STAT4: variants seen among roughly 807,000 people sequenced by gnomAD.
STAT4 encodes signal transducer and activator of transcription 4.
In STAT4, 42 loss-of-function variants were observed where a neutral mutation model predicts 110.5. The observed-to-expected ratio is 0.38, with a 90% confidence interval of 0.30 to 0.49. STAT4 has a LOEUF of 0.49. STAT4 is among the 20% of genes least tolerant of loss of function. The pLI, the probability that STAT4 is intolerant of heterozygous loss-of-function variation, is 0.95. For synonymous variants in STAT4, 284 were observed against 302.2 expected, an observed-to-expected ratio of 0.94 and a Z score of 0.63; for missense variants, 632 against 887.9, an observed-to-expected ratio of 0.71 and a Z score of 3.66.
intron 3 of STAT4, among the ~76,000 whole-genome samples, chr2:191,097,486 C>T (rs76024359): frequency 0.012 from 1,862 of 152,230 alleles, 17 homozygotes; most frequent in Middle Eastern, 0.037. Flanking sequence ...ACCATCTGAT[C>T]TTTGACAAAC....
intron 14 of STAT4, among the ~76,000 whole-genome samples, chr2:191,049,810 T>TTAGC (rs1404578325): frequency 6.6e-6 from 1 of 152,214 alleles, no homozygotes; most frequent in Admixed American, 6.5e-5. Flanking sequence ...ACAGCACTGC[T>TTAGC]TAGCTCATAA....
chr2:191,068,621 TA>T (rs1376200324), intron 6 of STAT4: 7 of 152,166 alleles, frequency 4.6e-5, no homozygotes, highest in African/African-American at 1.4e-4. Context: ...TATATCTGAT[TA>T]TTTTTTTGAA....
intron 3 of STAT4, among the ~76,000 whole-genome samples, chr2:191,087,536 G>C (rs1280519445): frequency 6.6e-6 from 1 of 152,062 alleles, no homozygotes; most frequent in Non-Finnish European, 1.5e-5. Context: ...CCAGGACAGA[G>C]TAAGAGTCTG....
intron 7 of STAT4, among the ~76,000 whole-genome samples, chr2:191,065,532 A>T (rs150561037): frequency 6.6e-6 from 1 of 152,312 alleles, no homozygotes; most frequent in Non-Finnish European, 1.5e-5. Context: ...CATTTATACA[A>T]CCAGTTGAAT....
intron 3 of STAT4, among the ~76,000 whole-genome samples, chr2:191,139,704 A>G (rs1699270964): frequency 6.6e-6 from 1 of 152,184 alleles, no homozygotes; most frequent in African/African-American, 2.4e-5. Context: ...ATTCAATGCA[A>G]TTTCCATCAA....
Position 191,042,777 on chromosome 2 carries a change from C to CTTTTTTTTTTTTTTTTTTTT in STAT4, c.1252-1630_1252-1629insAAAAAAAAAAAAAAAAAAAA, listed in dbSNP as rs397740293. ...CTTAAATTCATTCATTGTATTCTCT[C>CTTTTTTTTTTTTTTTTTTTT]TTTTTTTTTTTTCTTTTTTGAGATG... is the stretch of plus-strand genomic sequence containing the variant. On this transcript the variant is annotated intron_variant, in intron 14 of 23. Transcript: ENST00000392320. The surrounding 1 kb of genome is among the most constrained non-coding windows in gnomAD (Gnocchi z 4.2). Among the ~76,000 whole-genome samples the CTTTTTTTTTTTTTTTTTTTT allele has an allele frequency of 6.8e-6, 1 of 147,632 alleles. No individual in the cohort carries two copies. Among genetic ancestry groups the CTTTTTTTTTTTTTTTTTTTT allele is most frequent in the Non-Finnish European group, 1.5e-5 (1 of 66,730 alleles).
chr2:191,044,470 T>C (rs1034072948), intron 14 of STAT4, among the ~76,000 whole-genome samples: 10 of 152,340 alleles, frequency 6.6e-5, no homozygotes, highest in African/African-American at 2.2e-4. Flanking sequence ...CTTTTTCAGA[T>C]ATGCAAGTCC....
At position 191,066,445 on chromosome 2, in the gene STAT4, G is replaced by C. The variant is rs753599408; in HGVS notation, c.615C>G (p.Leu205=). The C allele has an allele frequency of 3.6e-5, 58 of 1,613,092 alleles. No individual in the cohort carries two copies. Among genetic ancestry groups the C allele is most frequent in the Non-Finnish European group, 4.5e-5 (53 of 1,179,490 alleles). ...CTTCACTAACCTTTCTCTTGAAATCGAGGCTGTTAAGCATTTCCTGCAGTG... is the reference window on the plus strand; with the variant it reads ...CTTCACTAACCTTTCTCTTGAAATCCAGGCTGTTAAGCATTTCCTGCAGTG... ...VLTLQEMLNS[L]DFKRKEALSK... is the part of the protein sequence containing the mutation. Residue 205 remains leucine (L), a synonymous_variant, in exon 7 of 24, where the codon CTC becomes CTG. Transcript: ENST00000392320. The surrounding 1 kb of genome is among the most constrained non-coding windows in gnomAD (Gnocchi z 4.3).
intron 8 of STAT4, among the ~76,000 whole-genome samples, chr2:191,064,010 A>G (rs906277913): frequency 6.6e-6 from 1 of 152,136 alleles, no homozygotes. Context: ...AAATAGTTTT[A>G]TTTTGCATTT....
In STAT4 at chr2:191,032,255, T is replaced by C. The variant is rs1227770036; in HGVS notation, c.2044+703A>G. On this transcript the variant is annotated intron_variant, in intron 21 of 23. Transcript: ENST00000392320. The surrounding 1 kb of genome is among the most constrained non-coding windows in gnomAD (Gnocchi z 4.9). ...GATGGTGCCCAAAGATTTAGTGCTA[T>C]AGATGAAGATTTTTATGGATTGTAT... 6.6e-6 allele frequency: 1 copy of C among 152,272 alleles called. No homozygotes were observed. The highest frequency in any genetic ancestry group is 1.5e-5 in the Non-Finnish European group (1 of 68,058). The allele number at this position is 152,272 out of a possible 1,614,324, so 9.4% of individuals were successfully genotyped here. A position where few individuals can be genotyped will look rare whatever the true frequency, so the allele number is the denominator to read the frequency against.
chr2:191,136,907 C>T (rs948294439), intron 3 of STAT4, among the ~76,000 whole-genome samples: 1 of 152,002 alleles, frequency 6.6e-6, no homozygotes, highest in Non-Finnish European at 1.5e-5. Flanking sequence ...CATTTCCATA[C>T]AATGAAAATG....
Position 191,033,865 on chromosome 2 carries a change from A to C in STAT4, c.1715+46T>G, listed in dbSNP as rs751663172. The stretch of plus-strand genomic sequence containing the variant: ...AGAAGAAAACCAATAACAACAGAAA[A>C]AAAGAACATAATTAACTCATATGAA... On this transcript the variant is annotated intron_variant, in intron 19 of 23. Transcript: ENST00000392320. The surrounding 1 kb of genome is among the most constrained non-coding windows in gnomAD (Gnocchi z 6.9). 1 of 1,487,250 alleles carries C rather than the reference A, an allele frequency of 6.7e-7. No individual in the cohort carries two copies. The highest frequency in any genetic ancestry group is 2.3e-5 in the East Asian group (1 of 43,970). 92.1% of individuals were successfully genotyped at this position (1,487,250 alleles called of 1,614,324 possible).
chr2:191,030,879 A>G lies in STAT4; in HGVS notation c.2220+93T>C. 8.7e-7 allele frequency: 1 copy of G among 1,151,118 alleles called. No individual in the cohort carries two copies. The highest frequency in any genetic ancestry group is 1.8e-5 in the Admixed American group (1 of 56,300). The allele number at this position is 1,151,118 out of a possible 1,614,324, so 71.3% of individuals were successfully genotyped here. A position where few individuals can be genotyped will look rare whatever the true frequency, so the allele number is the denominator to read the frequency against. On this transcript the variant is annotated intron_variant, in intron 23 of 23. Coordinates refer to ENST00000392320, the MANE Select transcript of STAT4 (RefSeq NM_003151.4). The surrounding 1 kb of genome is among the most constrained non-coding windows in gnomAD (Gnocchi z 4.4). ...GTTCCAATAAATGTGTTTTCTCCCT[A>G]CCCAGGCAGTATTTCAGCCCCTTTG... is the stretch of plus-strand genomic sequence containing the variant.
intron 14 of STAT4, among the ~76,000 whole-genome samples, chr2:191,044,629 G>A (rs1048500282): frequency 3.9e-5 from 6 of 152,240 alleles, no homozygotes; most frequent in Middle Eastern, 3.4e-3. Context: ...GTGAAAGGGA[G>A]TTTCAAAAAC....
At chr2:191,063,070 C>G in intron 8 of STAT4, 150 bp from the exon 9 acceptor site, 2 of 704,608 alleles carry the variant, frequency 2.8e-6, no homozygotes, top group Non-Finnish European at 4.0e-6. Flanking sequence ...AGGTTAGAGA[C>G]AGTTTTTATT....
At chr2:191,079,093 A>G (rs577013539) in intron 3 of STAT4, among the ~76,000 whole-genome samples, 14 of 152,210 alleles carry the variant, frequency 9.2e-5, no homozygotes, top group African/African-American at 3.4e-4. Context: ...TCTGGACTCC[A>G]TTCCATCTTA....
At chr2:191,109,886 C>T (rs1217672858) in intron 3 of STAT4, among the ~76,000 whole-genome samples, 1 of 152,190 alleles carries the variant, frequency 6.6e-6, no homozygotes, top group African/African-American at 2.4e-5. Flanking sequence ...GGGCAACTCA[C>T]AACTGCAGGG....
rs1348812781 is a variant in STAT4, at chr2:191,076,262, T to G, written c.337A>C (p.Arg113=). ...ATGTTGGCTGCAGCCAATATTCTCC[T>G]CTCTTCCCTTAAACAGTTTGAAATA... ...VVISNCLREE[R]RILAAANMPV... The change falls in exon 4 of 24, where the codon AGG becomes CGG. Residue 113 remains arginine (R), a synonymous_variant. Coordinates refer to ENST00000392320, the MANE Select transcript of STAT4 (RefSeq NM_003151.4). 6.2e-7 allele frequency: 1 copy of G among 1,613,748 alleles called. No homozygotes were observed. The highest frequency in any genetic ancestry group is 1.7e-5 in the Admixed American group (1 of 59,948).
intron 3 of STAT4, among the ~76,000 whole-genome samples, chr2:191,101,824 G>T (rs1478471303): frequency 6.6e-6 from 1 of 151,942 alleles, no homozygotes; most frequent in Non-Finnish European, 1.5e-5. Flanking sequence ...ATTTTGGGCT[G>T]GAATTTGACA....
Sources: allele counts gnomAD v4.1 joint callset (sites outside exome capture counted in the v4.1 genomes callset), GRCh38; gene constraint gnomAD v4.1.1; non-coding constraint Gnocchi (gnomAD v3.1); transcripts MANE v1.5; gene names NCBI Gene and HGNC (gene_info 2026-07-23, HGNC 2026-07-21).